Variants in MS4A7 observed in about 807,000 individuals in gnomAD.
MS4A7 encodes the protein membrane-spanning 4-domains subfamily A member 7.
In MS4A7, 21 loss-of-function variants were observed where a neutral mutation model predicts 23.5. That is an observed-to-expected ratio of 0.89 (90% CI 0.63 to 1.29). The LOEUF is 1.29. MS4A7 is among the 50% of genes most tolerant of loss of function. The pLI is 0.00. For synonymous variants in MS4A7, 111 were observed against 107.4 expected (o/e 1.03, Z -0.21); for missense variants, 263 against 274.2 (o/e 0.96, Z 0.29).
In MS4A7 at chr11:60,389,384, T is replaced by C. The variant is rs994866292; in HGVS notation, c.340-6T>C. The C allele has an allele frequency of 1.2e-6, 2 of 1,602,822 alleles. No individual in the cohort carries two copies. Among genetic ancestry groups the C allele is most frequent in the African/African-American group, 2.7e-5 (2 of 74,562 alleles). ...ATGAGAACCCAATGCAGAGTTTCTC[T>C]TCCAGGACCTGAGCAGCTTGACCTC... On this transcript the variant is annotated splice_region_variant and splice_polypyrimidine_tract_variant and intron_variant, in intron 4 of 6. Transcript: ENST00000300184.
At chr11:60,382,841 G>C (rs2135093975) in intron 1 of MS4A7, among the ~76,000 whole-genome samples, 1 of 152,292 alleles carries the variant, frequency 6.6e-6, no homozygotes, top group East Asian at 1.9e-4. Flanking sequence ...GACACATTCA[G>C]GGCTACAAAG....
At chr11:60,385,337 G>A (rs898454099) in intron 3 of MS4A7, 115 bp downstream of exon 3, 21 of 1,153,574 alleles carry the variant, frequency 1.8e-5, no homozygotes, top group East Asian at 2.4e-5. Flanking sequence ...GCAAGGCCTC[G>A]ACTTTCCTTC....
intron 2 of MS4A7, among the ~76,000 whole-genome samples, chr11:60,384,846 A>G (rs1424856627): frequency 2.0e-5 from 3 of 152,160 alleles, no homozygotes; most frequent in Non-Finnish European, 2.9e-5. Context: ...TTTCAAAAAA[A>G]GTTAAAATGT....
chr11:60,383,310 GGGAATACT>G, intron 2 of MS4A7, 22 bp downstream of exon 2: 1 of 1,613,030 alleles, frequency 6.2e-7, no homozygotes, highest in Non-Finnish European at 8.5e-7. Flanking sequence ...TCATTATAAG[GGGAATACT>G]GAGAAAATAC....
rs765019336 is a variant in MS4A7 at position 60,385,120 on chromosome 11, A to G, written c.180A>G (p.Ser60=). The change falls in exon 3 of 7, where the codon TCA becomes TCG. Residue 60 remains serine, a synonymous_variant. Transcript: ENST00000300184. ...TVQILCCLLI[S]SLGAILVFAP... The stretch of plus-strand genomic sequence containing the variant: ...AGATCCTGTGTTGCCTGTTGATTTC[A>G]AGTCTGGGGGCCATCTTGGTTTTTG... 2 of 1,613,954 alleles carry G rather than the reference A, an allele frequency of 1.2e-6. No homozygotes were observed. Among genetic ancestry groups the G allele is most frequent in the East Asian group, 2.2e-5 (1 of 44,888 alleles).
At chr11:60,388,131 C>G (rs895521606) in intron 4 of MS4A7, among the ~76,000 whole-genome samples, 3 of 152,212 alleles carry the variant, frequency 2.0e-5, no homozygotes, top group Non-Finnish European at 4.4e-5. Context: ...TCCCAGTGGG[C>G]AGTATCTTTG....
At chr11:60,385,788 T>A (rs1192528335) in intron 3 of MS4A7, among the ~76,000 whole-genome samples, 2 of 152,178 alleles carry the variant, frequency 1.3e-5, no homozygotes, top group Non-Finnish European at 2.9e-5. Context: ...GCCCAGTAGA[T>A]CCATTTTTCA....
chr11:60,383,231 G>A lies in MS4A7; in HGVS notation c.90G>A (p.Met30Ile). 1.9e-6 allele frequency: 3 copies of A among 1,614,162 alleles called. No homozygotes were observed. Among genetic ancestry groups the A allele is most frequent in the South Asian group, 1.1e-5 (1 of 91,076 alleles). Reference sequence around the variant, plus strand: ...CTCAAAGAGAGAAACCTGGACACATGTACCAAAACGAAGATTACCTGCAGA... The same window carrying A: ...CTCAAAGAGAGAAACCTGGACACATATACCAAAACGAAGATTACCTGCAGA... Reference protein sequence around the residue: ...TIPQREKPGHMYQNEDYLQNG... With the variant: ...TIPQREKPGHIYQNEDYLQNG... Residue 30 changes from methionine to isoleucine, a missense_variant, in exon 2 of 7, where the codon ATG becomes ATA. By Grantham distance (10) the Met-to-Ile change is conservative. Transcript: ENST00000300184.
chr11:60,380,349 A>G (rs904129542), intron 1 of MS4A7, among the ~76,000 whole-genome samples: 8 of 152,268 alleles, frequency 5.3e-5, no homozygotes, highest in African/African-American at 1.9e-4. Context: ...GAATATGTGC[A>G]TAGGAAACAA....
chr11:60,393,895 T>C lies in MS4A7; in HGVS notation c.*34T>C, dbSNP rs762578974. The C allele has an allele frequency of 7.0e-7, 1 of 1,421,378 alleles. No individual in the cohort carries two copies. Among genetic ancestry groups the C allele is most frequent in the Admixed American group, 1.9e-5 (1 of 52,754 alleles). The allele number at this position is 1,421,378 out of a possible 1,614,324, so 88.0% of individuals were successfully genotyped here. ...TGGCCTCAGAGGAAGGAAAAGCAAC[T>C]CAACACTCATGGTCAAGTGTGATTA... On this transcript the variant is annotated 3_prime_UTR_variant, in exon 7 of 7. Transcript: ENST00000300184.
chr11:60,393,774 A>T lies in MS4A7; in HGVS notation c.649-13A>T. Reference sequence around the variant, plus strand: ...CAAAGTTTAAAAATTCTAACCAATTATGTATTTTCTAGAGTTCATTTTCCT... The same window carrying T: ...CAAAGTTTAAAAATTCTAACCAATTTTGTATTTTCTAGAGTTCATTTTCCT... On this transcript the variant is annotated splice_polypyrimidine_tract_variant and intron_variant, in intron 6 of 6. Coordinates refer to ENST00000300184, the MANE Select transcript of MS4A7 (RefSeq NM_021201.5). 1 of 1,589,494 alleles carries T rather than the reference A, an allele frequency of 6.3e-7. No individual in the cohort carries two copies. The highest frequency in any genetic ancestry group is 8.6e-7 in the Non-Finnish European group (1 of 1,166,250).
chr11:60,383,175 C>T lies in MS4A7; in HGVS notation c.34C>T (p.His12Tyr), dbSNP rs1472117127. 8.1e-6 allele frequency: 13 copies of T among 1,614,080 alleles called. No individual in the cohort carries two copies. Among genetic ancestry groups the T allele is most frequent in the Non-Finnish European group, 1.1e-5 (13 of 1,179,976 alleles). The change falls in exon 2 of 7, where the codon CAC becomes TAC. Residue 12 changes from histidine to tyrosine, a missense_variant. Physicochemically the swap from His to Tyr is moderately conservative, Grantham distance 83. Transcript: ENST00000300184. ...LLQSQTMGVS[H>Y]SFTPKGITIP... ...ACAATCCCAAACCATGGGGGTTTCT[C>T]ACAGCTTTACACCAAAGGGCATCAC...
At chr11:60,392,213 A>C (rs1199367475) in intron 5 of MS4A7, among the ~76,000 whole-genome samples, 3 of 152,044 alleles carry the variant, frequency 2.0e-5, no homozygotes, top group African/African-American at 7.2e-5. Context: ...GGAAGTGGAG[A>C]GGTTCAGTAC....
intron 6 of MS4A7, 90 bp downstream of exon 6, chr11:60,392,876 C>T: frequency 1.1e-6 from 1 of 934,410 alleles, no homozygotes; most frequent in Non-Finnish European, 1.7e-6. Context: ...AAAGAAGAAT[C>T]AATTATTGTT....
chr11:60,391,240 T>C (rs890481052), intron 5 of MS4A7, among the ~76,000 whole-genome samples: 15 of 152,234 alleles, frequency 9.9e-5, no homozygotes, highest in Non-Finnish European at 1.9e-4. Flanking sequence ...CTAAGCTTTG[T>C]GCAAGTGTGC....
chr11:60,392,850 C>T lies in MS4A7; in HGVS notation c.648+64C>T, dbSNP rs987833641. 3 of 1,203,970 alleles carry T rather than the reference C, an allele frequency of 2.5e-6. No individual in the cohort carries two copies. The African/African-American group carries it at 4.6e-5, about 18-fold the overall frequency. 74.6% of individuals were successfully genotyped at this position (1,203,970 alleles called of 1,614,324 possible). A position where few individuals can be genotyped will look rare whatever the true frequency, so the allele number is the denominator to read the frequency against. ...TCAGGTCCAGGCTACAATAATCCAA[C>T]CTCAAAAAGTGGCAAAAAGAAGAAT... On this transcript the variant is annotated intron_variant, in intron 6 of 6. Coordinates refer to ENST00000300184, the MANE Select transcript of MS4A7 (RefSeq NM_021201.5).
At chr11:60,384,642 AATT>A (rs755645752) in intron 2 of MS4A7, among the ~76,000 whole-genome samples, 1 of 152,258 alleles carries the variant, frequency 6.6e-6, no homozygotes, top group Non-Finnish European at 1.5e-5. Context: ...CTTGCGAAAT[AATT>A]ATTATTAAAA....
chr11:60,394,914 C>A lies in MS4A7; in HGVS notation c.*1053C>A. The A allele has an allele frequency of 1.7e-6, 1 of 603,674 alleles. No individual in the cohort carries two copies. Among genetic ancestry groups the A allele is most frequent in the Non-Finnish European group, 3.0e-6 (1 of 331,954 alleles). 37.4% of individuals were successfully genotyped at this position (603,674 alleles called of 1,614,324 possible). On this transcript the variant is annotated 3_prime_UTR_variant, in exon 7 of 7. Coordinates refer to ENST00000300184, the MANE Select transcript of MS4A7 (RefSeq NM_021201.5). ...ATAAAAAAGAATATTCAGTCGTTGG[C>A]ACATAAACTATGTTCTCTTCTGTCA...
chr11:60,386,871 G>A lies in MS4A7; in HGVS notation c.339+98G>A, dbSNP rs2085496661. The A allele has an allele frequency of 6.3e-6, 7 of 1,110,806 alleles. No homozygotes were observed. In the South Asian group the frequency reaches 9.5e-5, roughly 15 times the overall value. 68.8% of individuals were successfully genotyped at this position (1,110,806 alleles called of 1,614,324 possible). On this transcript the variant is annotated intron_variant, in intron 4 of 6. Coordinates refer to ENST00000300184, the MANE Select transcript of MS4A7 (RefSeq NM_021201.5). ...AAATCCCTATTTTACAATTTAGAGAGAAAAAGCTTAGAACAGGCTAGGAAG... is the reference window on the plus strand; with the variant it reads ...AAATCCCTATTTTACAATTTAGAGAAAAAAAGCTTAGAACAGGCTAGGAAG...
Sources: gnomAD v4.1 joint callset for allele counts (sites outside exome capture counted in the v4.1 genomes callset) on GRCh38, gnomAD v4.1.1 for gene constraint, MANE v1.5 for transcripts, NCBI Gene and HGNC (gene_info 2026-07-23, HGNC 2026-07-21) for gene names.